Variants in BAZ1B observed in about 807,000 individuals in gnomAD.
The protein encoded by BAZ1B is bromodomain adjacent to zinc finger domain 1B, also known as tyrosine-protein kinase BAZ1B.
In BAZ1B, 22 loss-of-function variants were observed where a neutral mutation model predicts 153.8. That is an observed-to-expected ratio of 0.14 (90% CI 0.10 to 0.20). BAZ1B has a LOEUF of 0.20. BAZ1B is among the 10% of genes least tolerant of loss of function. The pLI, the probability that BAZ1B is intolerant of heterozygous loss-of-function variation, is 1.00. For missense variants in BAZ1B, 1,325 were observed against 1,799.3 expected (o/e 0.74, Z 4.77); for synonymous variants, 676 against 633.4 (o/e 1.07, Z -1.01).
intron 10 of BAZ1B, among the ~76,000 whole-genome samples, 193 bp from the exon 11 acceptor site, chr7:73,465,730 A>C (rs1788558318): frequency 6.6e-6 from 1 of 152,214 alleles, no homozygotes; most frequent in Non-Finnish European, 1.5e-5. Flanking sequence ...CTGTACTAGG[A>C]CACCAGAGCC....
intron 13 of BAZ1B, among the ~76,000 whole-genome samples, chr7:73,456,668 G>A (rs1208702533): frequency 2.6e-5 from 4 of 152,152 alleles, no homozygotes; most frequent in South Asian, 2.1e-4. Flanking sequence ...AAGGCTGGGC[G>A]TGGTGGCTGA....
In BAZ1B at chr7:73,449,488, T is replaced by C. The variant is rs191846102; in HGVS notation, c.3728+54A>G. On this transcript the variant is annotated intron_variant, in intron 15 of 19. Transcript: ENST00000339594. ...TGTTTGAATAACTCAAGCTTAATTA[T>C]AACAGCTATTCATATTTATTCATTC... 9.8e-5 allele frequency: 151 copies of C among 1,545,348 alleles called. No individual in the cohort carries two copies. In the Admixed American group the frequency reaches 1.4e-3, roughly 15 times the overall value.
At chr7:73,447,964 G>T (rs977083507) in intron 15 of BAZ1B, among the ~76,000 whole-genome samples, 1 of 152,206 alleles carries the variant, frequency 6.6e-6, no homozygotes, top group Non-Finnish European at 1.5e-5. Flanking sequence ...AAAAGAACCT[G>T]CTAATACTGT....
chr7:73,465,304 T>C, intron 11 of BAZ1B, 135 bp downstream of exon 11: 1 of 547,366 alleles, frequency 1.8e-6, no homozygotes, highest in Non-Finnish European at 3.1e-6. Context: ...TACCAGGCAA[T>C]ATGAACACAA....
chr7:73,442,136 T>TTGC, intron 19 of BAZ1B, 45 bp downstream of exon 19: 2 of 573,490 alleles, frequency 3.5e-6, no homozygotes, highest in Non-Finnish European at 6.5e-6. Flanking sequence ...CTCGCTCGCC[T>TTGC]CCCTCCCACC....
chr7:73,499,785 C>A (rs1329921941), intron 3 of BAZ1B, among the ~76,000 whole-genome samples: 8 of 152,220 alleles, frequency 5.3e-5, no homozygotes, highest in Non-Finnish European at 1.5e-5. Context: ...CTTGCTACTT[C>A]TTTATCCCTG....
At chr7:73,501,235 A>T (rs1790120209) in intron 3 of BAZ1B, among the ~76,000 whole-genome samples, 4 of 152,138 alleles carry the variant, frequency 2.6e-5, no homozygotes, top group Admixed American at 2.6e-4. Flanking sequence ...CAGCCTGGGT[A>T]ACAAGAATGA....
chr7:73,509,474 C>A (rs1412278318), intron 2 of BAZ1B, among the ~76,000 whole-genome samples: 4 of 152,034 alleles, frequency 2.6e-5, no homozygotes, highest in Non-Finnish European at 5.9e-5. Flanking sequence ...GGTCCCAGCA[C>A]TTTGAAAGGC....
intron 3 of BAZ1B, among the ~76,000 whole-genome samples, chr7:73,507,456 G>A (rs1318616991): frequency 3.9e-5 from 6 of 152,240 alleles, no homozygotes; most frequent in Admixed American, 1.3e-4. Context: ...GGTGACATGA[G>A]AGGATCGCTT....
At chr7:73,468,740 C>T (rs1788686717) in intron 9 of BAZ1B, among the ~76,000 whole-genome samples, 1 of 152,114 alleles carries the variant, frequency 6.6e-6, no homozygotes. Flanking sequence ...TTTTAAGAAC[C>T]TTATCTGTCT....
intron 1 of BAZ1B, among the ~76,000 whole-genome samples, chr7:73,518,205 T>C (rs1790888688): frequency 6.7e-6 from 1 of 148,800 alleles, no homozygotes; most frequent in Non-Finnish European, 1.5e-5. Context: ...ATCAAGACAA[T>C]CCTGGCTAAC....
intron 11 of BAZ1B, 147 bp from the exon 12 acceptor site, chr7:73,463,246 T>C (rs1052864857): frequency 1.1e-4 from 80 of 761,656 alleles, no homozygotes; most frequent in South Asian, 2.5e-4. Flanking sequence ...TTTCTTTTTT[T>C]TTTTTTTTTT....
At chr7:73,505,538 A>C (rs779921812) in intron 3 of BAZ1B, among the ~76,000 whole-genome samples, 8 of 152,150 alleles carry the variant, frequency 5.3e-5, no homozygotes, top group Non-Finnish European at 8.8e-5. Flanking sequence ...GAAAAATGTT[A>C]GGTCTATCCT....
chr7:73,464,320 A>G (rs1788499288), intron 11 of BAZ1B: 2 of 175,488 alleles, frequency 1.1e-5, no homozygotes, highest in South Asian at 3.8e-4. Context: ...ATTTGATGCT[A>G]CTTTGTAGAC....
At chr7:73,504,651 G>GA (rs1563398637) in intron 3 of BAZ1B, among the ~76,000 whole-genome samples, 1 of 151,670 alleles carries the variant, frequency 6.6e-6, no homozygotes, top group Non-Finnish European at 1.5e-5. Flanking sequence ...GCGACAGAGC[G>GA]AGACTCTGTC....
At chr7:73,464,165 G>C (rs1563372215) in intron 11 of BAZ1B, 2 of 984,738 alleles carry the variant, frequency 2.0e-6, no homozygotes, top group Admixed American at 6.1e-5. Context: ...AGTATGTACT[G>C]AATCATATTT....
chr7:73,463,207 C>A, intron 11 of BAZ1B, 108 bp from the exon 12 acceptor site: 3 of 946,164 alleles, frequency 3.2e-6, no homozygotes, highest in Non-Finnish European at 4.7e-6. Flanking sequence ...ACTTAGATCT[C>A]TTTCACCTCT....
intron 5 of BAZ1B, among the ~76,000 whole-genome samples, chr7:73,492,212 G>C (rs1178200361): frequency 6.6e-6 from 1 of 151,804 alleles, no homozygotes; most frequent in African/African-American, 2.4e-5. Context: ...GCCCAGGCTG[G>C]AGTGCAGTGG....
intron 9 of BAZ1B, among the ~76,000 whole-genome samples, chr7:73,466,842 A>G (rs1446269895): frequency 6.6e-6 from 1 of 152,224 alleles, no homozygotes; most frequent in Non-Finnish European, 1.5e-5. Context: ...ATCAGTTCCT[A>G]TATACTGATA....
Sources: gnomAD v4.1 joint callset for allele counts (sites outside exome capture counted in the v4.1 genomes callset) on GRCh38, gnomAD v4.1.1 for gene constraint, MANE v1.5 for transcripts, NCBI Gene and HGNC (gene_info 2026-07-23, HGNC 2026-07-21) for gene names.